The following CSMD3 variants were observed in gnomAD, a reference collection of about 807,000 sequenced individuals.
CSMD3 encodes CUB and sushi domain-containing protein 3.
A neutral mutation model predicts 435.2 loss-of-function variants in CSMD3; 177 were observed. The observed-to-expected ratio is 0.41, with a 90% CI of 0.36 to 0.46. CSMD3 has a LOEUF of 0.46. Ranked by LOEUF, CSMD3 falls within the 20% of genes least tolerant of loss-of-function variation. The pLI is 0.34. For missense variants in CSMD3, 4,265 were observed against 4,504.6 expected, an observed-to-expected ratio of 0.95 and a Z score of 1.52; for synonymous variants, 1,656 against 1,520.5, an observed-to-expected ratio of 1.09 and a Z score of -2.07.
intron 45 of CSMD3, 119 bp from the exon 46 acceptor site, chr8:112,320,100 T>A: frequency 1.5e-6 from 1 of 687,884 alleles, no homozygotes; most frequent in Admixed American, 2.3e-5. Context: ...TTACATAATT[T>A]ATCAAGTGTC....
At chr8:113,366,061 G>A (rs1380801347) in intron 1 of CSMD3, among the ~76,000 whole-genome samples, 2 of 151,960 alleles carry the variant, frequency 1.3e-5, no homozygotes, top group African/African-American at 2.4e-5. Context: ...TCCTAAGACT[G>A]CATCTGTTTC....
chr8:113,415,391 G>A (rs1426202856), intron 1 of CSMD3, among the ~76,000 whole-genome samples: 2 of 152,080 alleles, frequency 1.3e-5, no homozygotes, highest in Non-Finnish European at 2.9e-5. Context: ...TTAAAGACCA[G>A]GCCTGTACAA....
chr8:113,079,135 T>C (rs1276297528), intron 5 of CSMD3, among the ~76,000 whole-genome samples: 1 of 152,180 alleles, frequency 6.6e-6, no homozygotes, highest in African/African-American at 2.4e-5. Context: ...AATTATTATC[T>C]CTAATTATCC....
At chr8:112,399,576 A>G (rs188387245) in intron 35 of CSMD3, among the ~76,000 whole-genome samples, 52 of 152,252 alleles carry the variant, frequency 3.4e-4, no homozygotes, top group Middle Eastern at 3.4e-3. Flanking sequence ...TCAATTAACA[A>G]TTCCATGTTT....
intron 63 of CSMD3, among the ~76,000 whole-genome samples, chr8:112,247,838 G>A (rs1278797926): frequency 6.6e-6 from 1 of 152,038 alleles, no homozygotes; most frequent in South Asian, 2.1e-4. Flanking sequence ...AAGCCCTTTG[G>A]GTGGTGGTAA....
chr8:112,641,837 A>C lies in CSMD3; in HGVS notation c.3311-2926T>G, dbSNP rs79053321. ...AGAACCCATCTCAGGAAAAACATAAAAAACAAACAAACAAACAAAAAACCC... is the reference window on the plus strand; with the variant it reads ...AGAACCCATCTCAGGAAAAACATAACAAACAAACAAACAAACAAAAAACCC... On this transcript the variant is annotated intron_variant, in intron 20 of 70. Coordinates refer to ENST00000297405, the MANE Select transcript of CSMD3 (RefSeq NM_198123.2). Among the ~76,000 whole-genome samples the C allele has an allele frequency of 3.3e-3, 503 of 152,180 alleles. 2 individuals are homozygous for C. The highest frequency in any genetic ancestry group is 0.012 in the African/African-American group (489 of 41,500).
In CSMD3 at chr8:112,301,827, T is replaced by C. The variant is rs1183439403; in HGVS notation, c.8406A>G (p.Ser2802=). The C allele has an allele frequency of 3.1e-6, 5 of 1,613,848 alleles. No individual in the cohort carries two copies. The highest frequency in any genetic ancestry group is 1.6e-4 in the Middle Eastern group (1 of 6,062). The change falls in exon 53 of 71, where the codon TCA becomes TCG. Residue 2802 remains serine (S), a synonymous_variant. Transcript: ENST00000297405. ...TGGTTTCAGATTCACTCCAAAGACC[T>C]GAGGAAAGGCATTCCCTTACAGCAG... The part of the protein sequence containing the change: ...VGSAVRECLS[S]GLWSESETRC...
intron 3 of CSMD3, among the ~76,000 whole-genome samples, chr8:113,261,405 C>A (rs1206056206): frequency 1.3e-5 from 2 of 152,092 alleles, no homozygotes; most frequent in Admixed American, 6.6e-5. Flanking sequence ...CAATTAACTT[C>A]TGTGTAAGCC....
At chr8:112,575,003 TTTA>T (rs1238659202) in intron 23 of CSMD3, among the ~76,000 whole-genome samples, 1 of 151,970 alleles carries the variant, frequency 6.6e-6, no homozygotes, top group South Asian at 2.1e-4. Context: ...AATGGAATGT[TTTA>T]TTATTATTAT....
chr8:112,227,906 A>G (rs986295981), intron 70 of CSMD3, among the ~76,000 whole-genome samples: 12 of 152,138 alleles, frequency 7.9e-5, no homozygotes, highest in Non-Finnish European at 1.5e-4. Flanking sequence ...GCCGGGCATG[A>G]TGGCGGGTAC....
intron 6 of CSMD3, among the ~76,000 whole-genome samples, chr8:113,001,866 G>A (rs1269912644): frequency 6.6e-6 from 1 of 151,938 alleles, no homozygotes; most frequent in Non-Finnish European, 1.5e-5. Flanking sequence ...TTACCATCCT[G>A]TCCCTTAGCA....
At chr8:113,022,484 T>G (rs2086718045) in intron 5 of CSMD3, among the ~76,000 whole-genome samples, 1 of 151,688 alleles carries the variant, frequency 6.6e-6, no homozygotes, top group Non-Finnish European at 1.5e-5. Context: ...AACAAATAAA[T>G]AAATAATATA....
intron 4 of CSMD3, among the ~76,000 whole-genome samples, chr8:113,142,076 G>T (rs1233229110): frequency 6.6e-6 from 1 of 150,998 alleles, no homozygotes; most frequent in Non-Finnish European, 1.5e-5. Context: ...ACTAGTACAG[G>T]AACTGTATCC....
In CSMD3 at chr8:112,383,781, T is replaced by C. The variant is rs534294859; in HGVS notation, c.5935-118A>G. 12 of 733,116 alleles carry C rather than the reference T, an allele frequency of 1.6e-5. No homozygotes were observed. The East Asian group carries it at 3.2e-4, about 20-fold the overall frequency. The allele number at this position is 733,116 out of a possible 1,614,324, so 45.4% of individuals were successfully genotyped here. A position where few individuals can be genotyped will look rare whatever the true frequency, so the allele number is the denominator to read the frequency against. ...ATCCTGAACCACATAATTGTGACCC[T>C]TCATAGAAGGGTTTTTAACAGAACT... On this transcript the variant is annotated intron_variant, in intron 36 of 70. Coordinates refer to ENST00000297405, the MANE Select transcript of CSMD3 (RefSeq NM_198123.2).
In CSMD3 at chr8:112,523,247, G is replaced by A. The variant is rs879575968; in HGVS notation, c.4565-6022C>T. ...GAAAAGATATTAATCCCTTGTATTA[G>A]TTCCCTGAATCTTTCCTGCCTTATC... On this transcript the variant is annotated intron_variant, in intron 27 of 70. Transcript: ENST00000297405. Among the ~76,000 whole-genome samples, 9 of 151,872 alleles carry A rather than the reference G, an allele frequency of 5.9e-5. 1 individual carries two copies. The highest frequency in any genetic ancestry group is 5.3e-4 in the Admixed American group (8 of 15,238).
intron 16 of CSMD3, among the ~76,000 whole-genome samples, chr8:112,678,941 A>G (rs1220369503): frequency 2.6e-5 from 4 of 151,980 alleles, no homozygotes; most frequent in Non-Finnish European, 4.4e-5. Context: ...ATGAACAATA[A>G]TAAATAATAA....
intron 3 of CSMD3, among the ~76,000 whole-genome samples, chr8:113,254,694 T>G (rs371641520): frequency 1.3e-5 from 2 of 152,168 alleles, no homozygotes; most frequent in East Asian, 3.9e-4. Flanking sequence ...ATAAATGAAG[T>G]TGTATATGCC....
intron 28 of CSMD3, 62 bp from the exon 29 acceptor site, chr8:112,506,891 T>C: frequency 6.8e-7 from 1 of 1,465,448 alleles, no homozygotes; most frequent in Non-Finnish European, 9.4e-7. Flanking sequence ...TAGCTATCAA[T>C]ATTTTTGAAA....
At chr8:112,593,771 G>A (rs977638056) in intron 22 of CSMD3, among the ~76,000 whole-genome samples, 1 of 152,160 alleles carries the variant, frequency 6.6e-6, no homozygotes, top group Admixed American at 6.5e-5. Context: ...TGTCATCAGT[G>A]TTAAATCAGA....
Sources: gnomAD v4.1 joint callset for allele counts (sites outside exome capture counted in the v4.1 genomes callset) on GRCh38, gnomAD v4.1.1 for gene constraint, MANE v1.5 for transcripts, NCBI Gene and HGNC (gene_info 2026-07-23, HGNC 2026-07-21) for gene names.